MFSD12: variants seen among roughly 807,000 people sequenced by gnomAD.
MFSD12 encodes the protein major facilitator superfamily domain-containing protein 12.
MFSD12 carries 67 observed loss-of-function variants against 51.2 expected under a neutral mutation model. The ratio of observed to expected loss-of-function variants is 1.31; its 90% CI spans 1.08 to 1.60. The LOEUF (loss-of-function observed/expected upper bound fraction) is 1.60, where lower values mean the gene tolerates loss of function less well. MFSD12 is among the 40% of genes most tolerant of loss of function. MFSD12 has a pLI of 0.00. For synonymous variants in MFSD12, 441 were observed against 316.7 expected, an observed-to-expected ratio of 1.39 and a Z score of -4.17; for missense variants, 921 against 673.0, an observed-to-expected ratio of 1.37 and a Z score of -4.08.
chr19:3,542,060 T>C (rs2030462703), downstream of MFSD12: 1 of 869,598 alleles, frequency 1.1e-6, no homozygotes, highest in Non-Finnish European at 1.4e-6. Flanking sequence ...TCTACCCACC[T>C]TGGCCTCCCA....
chr19:3,546,161 C>G lies in MFSD12; in HGVS notation c.1202G>C (p.Gly401Ala). 6.2e-7 allele frequency: 1 copy of G among 1,613,108 alleles called. No homozygotes were observed. Among genetic ancestry groups the G allele is most frequent in the Non-Finnish European group, 8.5e-7 (1 of 1,179,928 alleles). ...GCTCATGGAGCCGTACACGAACGCTCCGCTGTTCTGTGGAGACACAGGCGA... is the reference window on the plus strand; with the variant it reads ...GCTCATGGAGCCGTACACGAACGCTGCGCTGTTCTGTGGAGACACAGGCGA... ...ADLIGPHTNS[G>A]AFVYGSMSFL... The change falls in exon 8 of 10, where the codon GGA (glycine) becomes GCA (alanine). Residue 401 changes from glycine to alanine, a missense_variant. Physicochemically the swap from Gly to Ala is moderately conservative, Grantham distance 60. Coordinates refer to ENST00000355415, the MANE Select transcript of MFSD12 (RefSeq NM_174983.5).
chr19:3,557,193 GCCCGTC>G lies in MFSD12; in HGVS notation c.205_210del (p.Asp69_Gly70del). ...TCGTAGCCCACGAGCGGTGTGCACA[GCCCGTC>G]GGCCACCTGGCCCAGCAGCAGCAGC... is the stretch of plus-strand genomic sequence containing the variant. On this transcript the variant is annotated inframe_deletion, in exon 1 of 10. Coordinates refer to ENST00000355415, the MANE Select transcript of MFSD12 (RefSeq NM_174983.5). 1 of 1,564,478 alleles carries G rather than the reference GCCCGTC, an allele frequency of 6.4e-7. No individual in the cohort carries two copies. The highest frequency in any genetic ancestry group is 8.6e-7 in the Non-Finnish European group (1 of 1,157,802).
At chr19:3,555,616 C>T (rs188096440) in intron 1 of MFSD12, among the ~76,000 whole-genome samples, 8 of 152,256 alleles carry the variant, frequency 5.3e-5, no homozygotes, top group African/African-American at 1.4e-4. Flanking sequence ...GTGCCTGCTG[C>T]GGAGCCTGCC....
At chr19:3,541,522 CATG>C, downstream of MFSD12, 1 of 250,798 alleles carries the variant, frequency 4.0e-6, no homozygotes, top group Non-Finnish European at 6.1e-6. Flanking sequence ...AGTGTTTCAC[CATG>C]TTGGCCAGGC....
intron 4 of MFSD12, 49 bp downstream of exon 4, chr19:3,547,799 G>A: frequency 6.2e-6 from 9 of 1,457,578 alleles, no homozygotes; most frequent in Non-Finnish European, 7.2e-6. Context: ...CAAAGGCCCT[G>A]TGGGTGGGAG....
At chr19:3,556,988 A>T (rs2031758650) in intron 1 of MFSD12, 118 bp downstream of exon 1, 2 of 1,006,468 alleles carry the variant, frequency 2.0e-6, no homozygotes, top group Admixed American at 3.6e-5. Flanking sequence ...AGACAGACCG[A>T]GGGGAGACTC....
chr19:3,548,258 G>A lies in MFSD12; in HGVS notation c.519C>T (p.Phe173=). Reference sequence around the variant, plus strand: ...AGACGGTGATGTTGGCCACCACGGTGAACGCATACCTGGCGGGCAGGCGGG... The same window carrying A: ...AGACGGTGATGTTGGCCACCACGGTAAACGCATACCTGGCGGGCAGGCGGG... ...KVELTALRYA[F]TVVANITVYG... is the part of the protein sequence containing the mutation. The change falls in exon 3 of 10, where the codon TTC becomes TTT. Residue 173 remains phenylalanine, a synonymous_variant. Coordinates refer to ENST00000355415, the MANE Select transcript of MFSD12 (RefSeq NM_174983.5). 1 of 1,549,470 alleles carries A rather than the reference G, an allele frequency of 6.5e-7. No individual in the cohort carries two copies. Among genetic ancestry groups the A allele is most frequent in the Non-Finnish European group, 8.7e-7 (1 of 1,147,702 alleles).
At chr19:3,542,620 C>A, downstream of MFSD12, 7 of 753,898 alleles carry the variant, frequency 9.3e-6, no homozygotes, top group Non-Finnish European at 1.1e-5. Context: ...ATTACAGGTG[C>A]CCCCCGCCCC....
chr19:3,539,592 T>A, downstream of MFSD12: 2 of 320,638 alleles, frequency 6.2e-6, no homozygotes, highest in Non-Finnish European at 1.2e-5. Context: ...GCTGAGAGAG[T>A]CTGTCCCACA....
intron 4 of MFSD12, 91 bp downstream of exon 4, chr19:3,547,757 G>T: frequency 7.1e-7 from 1 of 1,401,058 alleles, no homozygotes; most frequent in Non-Finnish European, 9.5e-7. Context: ...GGCCACGTGT[G>T]CTCTGCGTCT....
chr19:3,548,082 G>T lies in MFSD12; in HGVS notation c.654+41C>A. The T allele has an allele frequency of 1.9e-6, 3 of 1,602,282 alleles. No homozygotes were observed. In the South Asian group the frequency reaches 3.3e-5, roughly 18 times the overall value. ...GGTGGCGGGCCCAGCCCCCGCCCCT[G>T]GCTCGAGGACTTCAGGCGACCCACC... On this transcript the variant is annotated intron_variant, in intron 3 of 9. Transcript: ENST00000355415.
chr19:3,540,864 T>TC (rs1382321541), downstream of MFSD12, among the ~76,000 whole-genome samples: 2 of 85,502 alleles, frequency 2.3e-5, no homozygotes, highest in African/African-American at 4.7e-5. Context: ...AGAGCGAAAC[T>TC]CCATCTCAAA....
At chr19:3,538,798 G>T in intron 4 of MFSD12, 1 of 542,998 alleles carries the variant, frequency 1.8e-6, no homozygotes, top group East Asian at 5.0e-5. Context: ...AGTGGGTGAG[G>T]AGTGAGGAGC....
downstream of MFSD12, chr19:3,539,432 C>T (rs935122264): frequency 8.9e-5 from 52 of 586,922 alleles, no homozygotes; most frequent in Admixed American, 3.1e-4. Context: ...GGCCAGTGGC[C>T]GCTCACTGTG....
Position 3,546,119 on chromosome 19 carries a change from G to A in MFSD12, c.1244C>T (p.Ala415Val). 1 of 1,613,368 alleles carries A rather than the reference G, an allele frequency of 6.2e-7. No homozygotes were observed. ...YGSMSFLDKV[A>V]NGLAVMAIQS... is the part of the protein sequence containing the mutation. ...GATGGCCATGACTGCCAGCCCATTG[G>A]CCACCTTATCCAAGAAGCTCATGGA... is the stretch of plus-strand genomic sequence containing the variant. The change falls in exon 8 of 10, where the codon GCC becomes GTC. Residue 415 changes from alanine to valine, a missense_variant. By Grantham distance (64) the Ala-to-Val change is moderately conservative (BLOSUM62 0). Coordinates refer to ENST00000355415, the MANE Select transcript of MFSD12 (RefSeq NM_174983.5).
Position 3,551,088 on chromosome 19 carries a change from G to C in MFSD12, c.405C>G (p.Ile135Met). 1.9e-6 allele frequency: 3 copies of C among 1,613,134 alleles called. No homozygotes were observed. Among genetic ancestry groups the C allele is most frequent in the Non-Finnish European group, 1.7e-6 (2 of 1,179,984 alleles). The change falls in exon 2 of 10, where the codon ATC becomes ATG. Residue 135 changes from isoleucine (I) to methionine (M), a missense_variant. Transcript: ENST00000355415. The surrounding 1 kb of genome is among the most constrained non-coding windows in gnomAD (Gnocchi z 4.6). ...WAALLYYGPF[I>M]VIFQFGWAST... Reference sequence around the variant, plus strand: ...AGGCCCAGCCAAACTGGAAGATCACGATGAACGGGCCGTAGTAGAGGAGGG... The same window carrying C: ...AGGCCCAGCCAAACTGGAAGATCACCATGAACGGGCCGTAGTAGAGGAGGG...
chr19:3,548,689 G>C (rs937011365), intron 2 of MFSD12, among the ~76,000 whole-genome samples: 2 of 103,128 alleles, frequency 1.9e-5, no homozygotes, highest in African/African-American at 7.8e-5. Context: ...AGAGTCCCCC[G>C]GGGGGCCTCA....
chr19:3,539,331 G>A, downstream of MFSD12: 1 of 958,170 alleles, frequency 1.0e-6, no homozygotes, highest in East Asian at 2.9e-5. Context: ...CAGGTTACAT[G>A]GTGTTTGGTT....
chr19:3,544,414 C>G lies in MFSD12; in HGVS notation c.*296G>C. 7.6e-7 allele frequency: 1 copy of G among 1,324,386 alleles called. No homozygotes were observed. Among genetic ancestry groups the G allele is most frequent in the Non-Finnish European group, 9.6e-7 (1 of 1,038,722 alleles). 82.0% of individuals were successfully genotyped at this position (1,324,386 alleles called of 1,614,324 possible). Reference sequence around the variant, plus strand: ...GCTCAGGGTTAGGGTTCCCCCAGACCCTTCTGGGATTCCTACTTCCTGTTC... The same window carrying G: ...GCTCAGGGTTAGGGTTCCCCCAGACGCTTCTGGGATTCCTACTTCCTGTTC... On this transcript the variant is annotated 3_prime_UTR_variant, in exon 10 of 10. Coordinates refer to ENST00000355415, the MANE Select transcript of MFSD12 (RefSeq NM_174983.5).
Sources: allele counts gnomAD v4.1 joint callset (sites outside exome capture counted in the v4.1 genomes callset), GRCh38; gene constraint gnomAD v4.1.1; non-coding constraint Gnocchi (gnomAD v3.1); transcripts MANE v1.5; gene names NCBI Gene and HGNC (gene_info 2026-07-23, HGNC 2026-07-21).